ARFIP1: variants seen among roughly 807,000 people sequenced by gnomAD.
ARFIP1 encodes the protein ARF interacting protein 1, also known as arfaptin-1.
A neutral mutation model predicts 42.5 loss-of-function variants in ARFIP1; 24 were observed. The ratio of observed to expected loss-of-function variants is 0.57; its 90% CI spans 0.41 to 0.80. The LOEUF (loss-of-function observed/expected upper bound fraction) is 0.80, where lower values mean the gene tolerates loss of function less well. Ranked by LOEUF, ARFIP1 falls within the 30% of genes least tolerant of loss-of-function variation. The pLI is 0.00. For synonymous variants in ARFIP1, 141 were observed against 153.7 expected, an observed-to-expected ratio of 0.92 and a Z score of 0.61; for missense variants, 354 against 434.0, an observed-to-expected ratio of 0.82 and a Z score of 1.64.
intron 1 of ARFIP1, among the ~76,000 whole-genome samples, chr4:152,800,437 G>C (rs1045347342): frequency 1.3e-5 from 2 of 152,160 alleles, no homozygotes; most frequent in African/African-American, 4.8e-5. Flanking sequence ...TTAAGGAGCA[G>C]AGCTATGATT....
chr4:152,788,472 G>T (rs1440287528), intron 1 of ARFIP1, among the ~76,000 whole-genome samples: 1 of 151,968 alleles, frequency 6.6e-6, no homozygotes, highest in Non-Finnish European at 1.5e-5. Flanking sequence ...TTCAGCTCAG[G>T]AGTTCAAGAC....
In ARFIP1 at chr4:152,846,020, GAAC is replaced by G. The variant is rs1345607006; in HGVS notation, c.93+16299_93+16301del. Among the ~76,000 whole-genome samples the G allele has an allele frequency of 5.9e-5, 9 of 152,268 alleles. No individual in the cohort carries two copies. The East Asian group carries it at 1.2e-3, about 20-fold the overall frequency. On this transcript the variant is annotated intron_variant, in intron 2 of 8. Transcript: ENST00000353617. Reference sequence around the variant, plus strand: ...TTAAATACTGTGCAGCCATAAAAAAGAACAACATTATGTCTTTTGCAGGAACAT... The same window carrying G: ...TTAAATACTGTGCAGCCATAAAAAAGAACATTATGTCTTTTGCAGGAACAT...
At chr4:152,866,728 T>G (rs1734407783) in intron 3 of ARFIP1, among the ~76,000 whole-genome samples, 2 of 150,348 alleles carry the variant, frequency 1.3e-5, no homozygotes, top group African/African-American at 4.9e-5. Flanking sequence ...GAGGGGCTCC[T>G]CACTTCTCAG....
intron 1 of ARFIP1, among the ~76,000 whole-genome samples, chr4:152,806,097 AT>A (rs981424560): frequency 6.6e-6 from 1 of 151,914 alleles, no homozygotes; most frequent in Non-Finnish European, 1.5e-5. Flanking sequence ...GAACAGAAGA[AT>A]TTTTTTTCTT....
At chr4:152,877,326 C>G (rs1561163347) in intron 5 of ARFIP1, among the ~76,000 whole-genome samples, 1 of 152,052 alleles carries the variant, frequency 6.6e-6, no homozygotes, top group Non-Finnish European at 1.5e-5. Context: ...GATGTGAGAC[C>G]TGGAGATCAT....
chr4:152,796,819 A>G (rs1731497929), intron 1 of ARFIP1: 1 of 620,964 alleles, frequency 1.6e-6, no homozygotes, highest in East Asian at 2.9e-5. Flanking sequence ...AATTCAATAT[A>G]TTCATTCTGT....
In ARFIP1 at chr4:152,871,090, A is replaced by G. The variant is rs544830899; in HGVS notation, c.298+242A>G. Among the ~76,000 whole-genome samples the G allele has an allele frequency of 6.7e-4, 102 of 152,338 alleles. 1 individual carries two copies. In the South Asian group the frequency reaches 0.013, roughly 20 times the overall value. ...TAATCCATTTTAAAATTAAAACATTATAAAATTTGATTTGCTTTAAATCAT... is the reference window on the plus strand; with the variant it reads ...TAATCCATTTTAAAATTAAAACATTGTAAAATTTGATTTGCTTTAAATCAT... On this transcript the variant is annotated intron_variant, in intron 4 of 8. Coordinates refer to ENST00000353617, the MANE Select transcript of ARFIP1 (RefSeq NM_001025595.3).
chr4:152,796,371 C>A (rs1648010101), intron 1 of ARFIP1: 1 of 723,530 alleles, frequency 1.4e-6, no homozygotes, highest in African/African-American at 1.8e-5. Flanking sequence ...GTAAAGACAT[C>A]TCTAGCAAAG....
At chr4:152,870,318 G>A (rs936938485) in intron 3 of ARFIP1, among the ~76,000 whole-genome samples, 2 of 152,220 alleles carry the variant, frequency 1.3e-5, no homozygotes, top group Admixed American at 6.5e-5. Context: ...ATGAGAGCAT[G>A]TTTTAATATC....
rs1249526638 is a variant in ARFIP1 at position 152,882,712 on chromosome 4, C to A, written c.634-11C>A. ...ATTACTGAATAAATTAAGGTGACTT[C>A]TTTGTTTTAGGAAGAATTTGGCTAT... On this transcript the variant is annotated splice_polypyrimidine_tract_variant and intron_variant, in intron 6 of 8. Coordinates refer to ENST00000353617, the MANE Select transcript of ARFIP1 (RefSeq NM_001025595.3). The A allele has an allele frequency of 8.1e-6, 13 of 1,610,214 alleles. No homozygotes were observed. In the African/African-American group the frequency reaches 1.3e-4, roughly 17 times the overall value.
rs1734808640 is a variant in ARFIP1, at chr4:152,870,739, G to A, written c.203-14G>A. The stretch of plus-strand genomic sequence containing the variant: ...GGAAAAGGATTTTCACAGTTAAAAT[G>A]TCTACCTTTTCAGGTTCCCCAGCAC... On this transcript the variant is annotated splice_polypyrimidine_tract_variant and intron_variant, in intron 3 of 8. Coordinates refer to ENST00000353617, the MANE Select transcript of ARFIP1 (RefSeq NM_001025595.3). 1 of 1,597,532 alleles carries A rather than the reference G, an allele frequency of 6.3e-7. No individual in the cohort carries two copies. Among genetic ancestry groups the A allele is most frequent in the South Asian group, 1.1e-5 (1 of 90,754 alleles).
At chr4:152,854,153 T>C (rs1733231166) in intron 2 of ARFIP1, among the ~76,000 whole-genome samples, 1 of 152,100 alleles carries the variant, frequency 6.6e-6, no homozygotes. Flanking sequence ...CCTCAGGTGA[T>C]CCACCTGCCT....
intron 2 of ARFIP1, among the ~76,000 whole-genome samples, chr4:152,842,174 G>T (rs942497263): frequency 2.0e-5 from 3 of 152,172 alleles, no homozygotes; most frequent in Non-Finnish European, 2.9e-5. Flanking sequence ...AAAACAGGAG[G>T]TAGAGAAATA....
chr4:152,787,404 G>A (rs1730871204), intron 1 of ARFIP1, among the ~76,000 whole-genome samples: 1 of 152,146 alleles, frequency 6.6e-6, no homozygotes, highest in Admixed American at 6.5e-5. Context: ...CAGAATGCAG[G>A]TGTACAACAG....
intron 1 of ARFIP1, among the ~76,000 whole-genome samples, chr4:152,807,007 TA>T (rs1165026938): frequency 6.6e-6 from 1 of 151,862 alleles, no homozygotes; most frequent in Non-Finnish European, 1.5e-5. Flanking sequence ...AGCAGGCTAA[TA>T]AAAAAAATTA....
At chr4:152,889,753 T>C in intron 8 of ARFIP1, among the ~76,000 whole-genome samples, 1 of 36,038 alleles carries the variant, frequency 2.8e-5, no homozygotes, top group Admixed American at 4.9e-4. Flanking sequence ...ATATACTATA[T>C]ATTATATACT....
chr4:152,848,739 G>A (rs1364984667), intron 2 of ARFIP1, among the ~76,000 whole-genome samples: 2 of 152,130 alleles, frequency 1.3e-5, no homozygotes, highest in Non-Finnish European at 2.9e-5. Context: ...ACAAGTTTTG[G>A]TTCATAGTAG....
chr4:152,867,100 C>T (rs1321191760), intron 3 of ARFIP1, among the ~76,000 whole-genome samples: 26 of 152,070 alleles, frequency 1.7e-4, no homozygotes, highest in Non-Finnish European at 2.8e-4. Flanking sequence ...GGGTGGCGGC[C>T]GGGCAGAGGC....
chr4:152,795,068 GT>G (rs1455048607), intron 1 of ARFIP1, among the ~76,000 whole-genome samples: 2 of 152,146 alleles, frequency 1.3e-5, no homozygotes, highest in Non-Finnish European at 2.9e-5. Flanking sequence ...TTGCTACTCT[GT>G]TCCCAAGCCC....
Sources: gnomAD v4.1 joint callset for allele counts (sites outside exome capture counted in the v4.1 genomes callset) on GRCh38, gnomAD v4.1.1 for gene constraint, MANE v1.5 for transcripts, NCBI Gene and HGNC (gene_info 2026-07-23, HGNC 2026-07-21) for gene names.